ASAH2: variants seen among roughly 807,000 people sequenced by gnomAD.
ASAH2 encodes the protein N-acylsphingosine amidohydrolase 2.
ASAH2 carries 58 observed loss-of-function variants against 82.9 expected under a neutral mutation model. The observed-to-expected ratio is 0.70, with a 90% confidence interval of 0.57 to 0.87. The LOEUF (loss-of-function observed/expected upper bound fraction) is 0.87, where lower values mean the gene tolerates loss of function less well. Ranked by LOEUF, ASAH2 falls within the 40% of genes least tolerant of loss-of-function variation. The pLI is 0.00. For missense variants in ASAH2, 779 were observed against 834.0 expected, an observed-to-expected ratio of 0.93 and a Z score of 0.81; for synonymous variants, 276 against 289.7, an observed-to-expected ratio of 0.95 and a Z score of 0.48.
chr10:50,210,656 G>A (rs1845427597), intron 12 of ASAH2, among the ~76,000 whole-genome samples, 167 bp downstream of exon 12: 1 of 152,170 alleles, frequency 6.6e-6, no homozygotes, highest in Non-Finnish European at 1.5e-5. Context: ...GGTTGCTTAG[G>A]TCTGGGGGCA....
rs1040548949 is a variant in ASAH2, at chr10:50,248,482, G to T, written c.127+2C>A. ...GCATCTAAGAGAGCCCATGACACTT[G>T]CCTTTGTGGTTTTCAATGGTCCCAC... On this transcript the variant is annotated splice_donor_variant, in intron 2 of 20. Transcript: ENST00000682911. LOFTEE classifies it high-confidence loss of function. 1.2e-6 allele frequency: 2 copies of T among 1,613,522 alleles called. No individual in the cohort carries two copies. Among genetic ancestry groups the T allele is most frequent in the Admixed American group, 1.7e-5 (1 of 59,978 alleles).
At chr10:50,223,175 A>C (rs1845791295) in intron 7 of ASAH2, among the ~76,000 whole-genome samples, 1 of 152,234 alleles carries the variant, frequency 6.6e-6, no homozygotes, top group Non-Finnish European at 1.5e-5. Flanking sequence ...TTATAGAATC[A>C]GTAAACAACA....
At chr10:50,221,662 TAG>T (rs1194658507) in intron 7 of ASAH2, among the ~76,000 whole-genome samples, 107 of 139,836 alleles carry the variant, frequency 7.7e-4, no homozygotes, top group African/African-American at 2.7e-3. Flanking sequence ...TGTGTGTGTA[TAG>T]ATAGATAGAT....
chr10:50,205,294 T>C (rs1172306737), intron 13 of ASAH2, among the ~76,000 whole-genome samples: 2 of 152,034 alleles, frequency 1.3e-5, no homozygotes, highest in Non-Finnish European at 2.9e-5. Context: ...TTTCTCTTTT[T>C]ATTATAATCG....
chr10:50,243,075 G>T, intron 4 of ASAH2, 127 bp downstream of exon 4: 1 of 1,073,610 alleles, frequency 9.3e-7, no homozygotes, highest in Non-Finnish European at 1.4e-6. Context: ...TGTCCAGAGC[G>T]TATAATATTG....
intron 4 of ASAH2, among the ~76,000 whole-genome samples, chr10:50,239,521 A>G (rs1846239905): frequency 6.6e-6 from 1 of 152,136 alleles, no homozygotes; most frequent in Non-Finnish European, 1.5e-5. Context: ...AATTAGAGCC[A>G]TCTCATTTTT....
At chr10:50,202,274 G>A (rs1198783639) in intron 16 of ASAH2, among the ~76,000 whole-genome samples, 1 of 151,954 alleles carries the variant, frequency 6.6e-6, no homozygotes, top group Admixed American at 6.6e-5. Flanking sequence ...CTGTTTTCAT[G>A]TTTTACTTAA....
At chr10:50,222,597 C>T (rs987397892) in intron 7 of ASAH2, among the ~76,000 whole-genome samples, 1 of 152,042 alleles carries the variant, frequency 6.6e-6, no homozygotes, top group Non-Finnish European at 1.5e-5. Flanking sequence ...TTCTTTATTC[C>T]ATTTATTTTA....
chr10:50,247,754 T>C (rs189662780), intron 2 of ASAH2, among the ~76,000 whole-genome samples: 73 of 152,218 alleles, frequency 4.8e-4, no homozygotes, highest in Non-Finnish European at 8.2e-4. Flanking sequence ...TAACACTGAC[T>C]GGAACAGAGG....
Position 50,212,956 on chromosome 10 carries a change from G to A in ASAH2, c.1227+16C>T, listed in dbSNP as rs1252242764. The A allele has an allele frequency of 4.4e-6, 7 of 1,607,616 alleles. No individual in the cohort carries two copies. The highest frequency in any genetic ancestry group is 2.7e-5 in the African/African-American group (2 of 74,760). On this transcript the variant is annotated intron_variant, in intron 10 of 20. Transcript: ENST00000682911. ...AATTTTAAACAAAGATTAAAGGAGC[G>A]AGGCCCATGGCTTACCTTTGCTCTC...
chr10:50,238,846 G>A (rs1476112244), intron 4 of ASAH2, among the ~76,000 whole-genome samples: 1 of 152,046 alleles, frequency 6.6e-6, no homozygotes, highest in Non-Finnish European at 1.5e-5. Context: ...ACTACAAACG[G>A]TACACAGGAA....
At chr10:50,246,313 T>C (rs913427945) in intron 2 of ASAH2, among the ~76,000 whole-genome samples, 3 of 152,218 alleles carry the variant, frequency 2.0e-5, no homozygotes, top group Non-Finnish European at 2.9e-5. Flanking sequence ...TCCTGCTTCC[T>C]GGGGCTGTTT....
intron 14 of ASAH2, among the ~76,000 whole-genome samples, chr10:50,204,654 C>A (rs1054307824): frequency 6.3e-4 from 96 of 151,674 alleles, no homozygotes; most frequent in African/African-American, 2.1e-3. Context: ...TCATGTCTGC[C>A]TCAGGTGAGC....
chr10:50,247,840 T>A (rs1042573926), intron 2 of ASAH2, among the ~76,000 whole-genome samples: 14 of 152,044 alleles, frequency 9.2e-5, no homozygotes, highest in Non-Finnish European at 1.8e-4. Flanking sequence ...TCCAACATTT[T>A]AAAAAATCAT....
chr10:50,220,162 G>A (rs997938738), intron 7 of ASAH2, among the ~76,000 whole-genome samples: 168 of 152,198 alleles, frequency 1.1e-3, no homozygotes, highest in African/African-American at 3.7e-3. Context: ...ATATAATCAG[G>A]GAAGACCGAA....
intron 8 of ASAH2, 94 bp from the exon 9 acceptor site, chr10:50,214,962 C>A: frequency 6.7e-7 from 1 of 1,492,964 alleles, no homozygotes; most frequent in South Asian, 1.2e-5. Flanking sequence ...CTCTGGCAAA[C>A]TATTCAAAAT....
intron 16 of ASAH2, among the ~76,000 whole-genome samples, chr10:50,201,596 C>G (rs1224068524): frequency 6.6e-6 from 1 of 152,082 alleles, no homozygotes; most frequent in African/African-American, 2.4e-5. Flanking sequence ...TCCCATCTCA[C>G]CTGGACCAGG....
Position 50,236,068 on chromosome 10 carries a change from C to G in ASAH2, c.511-4G>C. 6.2e-7 allele frequency: 1 copy of G among 1,612,130 alleles called. No homozygotes were observed. Among genetic ancestry groups the G allele is most frequent in the African/African-American group, 1.3e-5 (1 of 74,824 alleles). On this transcript the variant is annotated splice_region_variant and splice_polypyrimidine_tract_variant and intron_variant, in intron 4 of 20. Transcript: ENST00000682911. ...TACTCTGCAGTCTGTTCAGGACCTT[C>G]AAGAAAAAAAGTAATTGAACTAAGA...
At chr10:50,235,851 T>C in intron 5 of ASAH2, 37 bp downstream of exon 5, 3 of 1,604,882 alleles carry the variant, frequency 1.9e-6, no homozygotes, top group Non-Finnish European at 1.7e-6. Flanking sequence ...CTGTAAGCAA[T>C]GGTAAAGAAC....
Sources: allele counts gnomAD v4.1 joint callset (sites outside exome capture counted in the v4.1 genomes callset), GRCh38; gene constraint gnomAD v4.1.1; transcripts MANE v1.5; gene names NCBI Gene and HGNC (gene_info 2026-07-23, HGNC 2026-07-21).